Variants in YPEL1 observed in about 807,000 individuals in gnomAD.
YPEL1 encodes yippee like 1.
Under a neutral mutation model 17.3 loss-of-function variants are expected in YPEL1, and 7 were observed. The observed-to-expected ratio is 0.40, with a 90% CI of 0.23 to 0.76. The LOEUF (loss-of-function observed/expected upper bound fraction) is 0.76. YPEL1 is among the 30% of genes least tolerant of loss of function. The probability of loss-of-function intolerance (pLI) is 0.35; values close to 1 mark genes in which losing one functional copy is unlikely to be tolerated. For missense variants in YPEL1, 91 were observed against 155.5 expected, an observed-to-expected ratio of 0.59 and a Z score of 2.21; for synonymous variants, 59 against 59.6, an observed-to-expected ratio of 0.99 and a Z score of 0.05.
chr22:21,707,825 T>C (rs1348342084), intron 2 of YPEL1, among the ~76,000 whole-genome samples: 1 of 152,218 alleles, frequency 6.6e-6, no homozygotes, highest in Non-Finnish European at 1.5e-5. Context: ...AGGAGATAAG[T>C]AGTTTAGGCT....
intron 2 of YPEL1, among the ~76,000 whole-genome samples, chr22:21,707,976 T>C (rs1007835999): frequency 8.5e-5 from 13 of 152,214 alleles, no homozygotes; most frequent in African/African-American, 2.7e-4. Context: ...AGCCTTCTAG[T>C]AACCAGAGCT....
chr22:21,725,829 C>G (rs1206579079), intron 1 of YPEL1, among the ~76,000 whole-genome samples: 8 of 33,722 alleles, frequency 2.4e-4, no homozygotes, highest in Non-Finnish European at 4.2e-4. Context: ...CCTGTCTCTA[C>G]CAAAGGAAAA....
intron 4 of YPEL1, among the ~76,000 whole-genome samples, chr22:21,702,457 G>A (rs1352563549): frequency 6.6e-6 from 1 of 152,224 alleles, no homozygotes; most frequent in Non-Finnish European, 1.5e-5. Flanking sequence ...GGCAGAGCAG[G>A]TGGCCTGGAC....
At chr22:21,722,427 A>C (rs189081415) in intron 1 of YPEL1, among the ~76,000 whole-genome samples, 267 of 151,962 alleles carry the variant, frequency 1.8e-3, no homozygotes, top group Non-Finnish European at 3.2e-3. Flanking sequence ...AAAAAACCCC[A>C]AAACCAAAAA....
intron 1 of YPEL1, among the ~76,000 whole-genome samples, chr22:21,722,622 C>CAA (rs142982142): frequency 1.4e-3 from 198 of 138,214 alleles, no homozygotes; most frequent in South Asian, 4.4e-3. Context: ...GTCTCGGGGG[C>CAA]AAAAAAAAAA....
chr22:21,703,599 G>A lies in YPEL1; in HGVS notation c.162-121C>T. The stretch of plus-strand genomic sequence containing the variant: ...CCCCCAAAACAGGGAAACTCCCAGA[G>A]AGCAGTGCCGTGCCTCTCCCCCAGC... On this transcript the variant is annotated intron_variant, in intron 3 of 4. Coordinates refer to ENST00000339468, the MANE Select transcript of YPEL1 (RefSeq NM_013313.5). The surrounding 1 kb of genome is among the most constrained non-coding windows in gnomAD (Gnocchi z 6.1). 1 of 941,688 alleles carries A rather than the reference G, an allele frequency of 1.1e-6. No individual in the cohort carries two copies. The highest frequency in any genetic ancestry group is 1.5e-5 in the South Asian group (1 of 67,008). The allele number at this position is 941,688 out of a possible 1,614,324, so 58.3% of individuals were successfully genotyped here.
chr22:21,731,539 G>GAAAAA (rs1180671395), intron 1 of YPEL1, among the ~76,000 whole-genome samples: 1 of 143,392 alleles, frequency 7.0e-6, no homozygotes, highest in Non-Finnish European at 1.5e-5. Flanking sequence ...GAGAAGGGGG[G>GAAAAA]AAAAAAAAAA....
At chr22:21,707,869 T>C (rs2068128443) in intron 2 of YPEL1, among the ~76,000 whole-genome samples, 1 of 152,238 alleles carries the variant, frequency 6.6e-6, no homozygotes. Context: ...CTAATTACTC[T>C]GTAAACAGAT....
At chr22:21,716,419 G>A (rs948240330) in intron 1 of YPEL1, among the ~76,000 whole-genome samples, 1 of 152,258 alleles carries the variant, frequency 6.6e-6, no homozygotes, top group African/African-American at 2.4e-5. Context: ...CCAGAAACCA[G>A]AGAGGCGAGC....
intron 2 of YPEL1, among the ~76,000 whole-genome samples, chr22:21,705,964 T>C (rs2148597661): frequency 6.6e-6 from 1 of 151,794 alleles, no homozygotes; most frequent in East Asian, 1.9e-4. Context: ...ATCCCGTCTC[T>C]GATAAAAATA....
At chr22:21,715,756 CTTTTCT>C (rs1329239316) in intron 1 of YPEL1, among the ~76,000 whole-genome samples, 9 of 56,172 alleles carry the variant, frequency 1.6e-4, no homozygotes, top group Admixed American at 1.0e-3. Flanking sequence ...TTTTCTTTTT[CTTTTCT>C]TTTTTTTTTT....
chr22:21,700,134 A>G lies in YPEL1; in HGVS notation c.*995T>C, dbSNP rs2068050195. ...TTGACTGCCTCTGGAAGATTCTTAA[A>G]TAACACTGTACTTTAAGGGTTCATT... On this transcript the variant is annotated 3_prime_UTR_variant, in exon 5 of 5. Coordinates refer to ENST00000339468, the MANE Select transcript of YPEL1 (RefSeq NM_013313.5). The G allele has an allele frequency of 6.6e-6, 1 of 152,380 alleles. No individual in the cohort carries two copies. Among genetic ancestry groups the G allele is most frequent in the South Asian group, 2.1e-4 (1 of 4,836 alleles). The allele number at this position is 152,380 out of a possible 1,614,324, so 9.4% of individuals were successfully genotyped here.
chr22:21,731,465 T>C (rs983432351), intron 1 of YPEL1, among the ~76,000 whole-genome samples: 3 of 150,086 alleles, frequency 2.0e-5, no homozygotes, highest in African/African-American at 7.4e-5. Flanking sequence ...TCTTAAAAAC[T>C]ACTTTATTTA....
intron 2 of YPEL1, among the ~76,000 whole-genome samples, chr22:21,705,317 G>T (rs1421042661): frequency 2.0e-5 from 3 of 152,310 alleles, no homozygotes. Context: ...ATTTAAAAAT[G>T]TCTTAGGTGA....
chr22:21,734,366 T>C (rs2068417025), intron 1 of YPEL1, among the ~76,000 whole-genome samples: 1 of 152,194 alleles, frequency 6.6e-6, no homozygotes, highest in African/African-American at 2.4e-5. Context: ...GGGGTAAGGA[T>C]AGGGAGCACT....
chr22:21,735,116 A>C (rs1325143353), intron 1 of YPEL1, among the ~76,000 whole-genome samples: 1 of 152,136 alleles, frequency 6.6e-6, no homozygotes, highest in Non-Finnish European at 1.5e-5. Context: ...AGGCTTTTGC[A>C]ATCTCTGTTA....
At chr22:21,729,561 A>G (rs1158741620) in intron 1 of YPEL1, among the ~76,000 whole-genome samples, 1 of 152,160 alleles carries the variant, frequency 6.6e-6, no homozygotes, top group Non-Finnish European at 1.5e-5. Flanking sequence ...TGATCACACC[A>G]CTGCACTCCA....
intron 1 of YPEL1, among the ~76,000 whole-genome samples, chr22:21,728,196 G>A (rs1035195672): frequency 2.0e-5 from 3 of 152,080 alleles, no homozygotes; most frequent in Admixed American, 6.5e-5. Flanking sequence ...CCGGCCAGCC[G>A]TCCCCACAGC....
intron 2 of YPEL1, among the ~76,000 whole-genome samples, chr22:21,709,049 G>A (rs541534493): frequency 1.3e-5 from 2 of 151,378 alleles, no homozygotes; most frequent in South Asian, 2.1e-4. Context: ...TTTTGACCAT[G>A]TAGCAAGGAA....
Sources: gnomAD v4.1 joint callset for allele counts (sites outside exome capture counted in the v4.1 genomes callset) on GRCh38, gnomAD v4.1.1 for gene constraint, Gnocchi (gnomAD v3.1) non-coding constraint, MANE v1.5 for transcripts, NCBI Gene and HGNC (gene_info 2026-07-23, HGNC 2026-07-21) for gene names.